Variants in OSBP2 observed in about 807,000 individuals in gnomAD.
OSBP2 encodes the protein oxysterol binding protein 2.
OSBP2 carries 66 observed loss-of-function variants against 96.0 expected under a neutral mutation model. The ratio of observed to expected loss-of-function variants is 0.69; its 90% CI spans 0.56 to 0.84. The LOEUF is 0.84. OSBP2 is among the 40% of genes least tolerant of loss of function. The probability of loss-of-function intolerance (pLI) is 0.00; values close to 1 mark genes in which losing one functional copy is unlikely to be tolerated. For synonymous variants in OSBP2, 525 were observed against 520.9 expected, an observed-to-expected ratio of 1.01 and a Z score of -0.11; for missense variants, 1,038 against 1,222.7, an observed-to-expected ratio of 0.85 and a Z score of 2.25.
At chr22:30,699,051 C>T (rs906489572) in intron 1 of OSBP2, among the ~76,000 whole-genome samples, 5 of 152,144 alleles carry the variant, frequency 3.3e-5, no homozygotes, top group Admixed American at 3.3e-4. Flanking sequence ...CAGTGATTCT[C>T]ATGCCTCAGC....
At chr22:30,709,636 C>T (rs1457029585) in intron 1 of OSBP2, among the ~76,000 whole-genome samples, 1 of 151,992 alleles carries the variant, frequency 6.6e-6, no homozygotes, top group Non-Finnish European at 1.5e-5. Flanking sequence ...CTGCCTCAGC[C>T]TCCTGAAGTG....
intron 1 of OSBP2, among the ~76,000 whole-genome samples, chr22:30,698,913 G>A (rs912099151): frequency 6.6e-6 from 1 of 151,810 alleles, no homozygotes; most frequent in Non-Finnish European, 1.5e-5. Context: ...TCATCTAGGT[G>A]TAATATTTAA....
chr22:30,703,194 G>T (rs1249753795), intron 1 of OSBP2, among the ~76,000 whole-genome samples: 2 of 151,642 alleles, frequency 1.3e-5, no homozygotes, highest in African/African-American at 4.9e-5. Flanking sequence ...AATTTTTTGA[G>T]ATGGAGTCTC....
At chr22:30,844,740 T>C (rs538061462) in intron 2 of OSBP2, 1 of 152,352 alleles carries the variant, frequency 6.6e-6, no homozygotes, top group African/African-American at 2.4e-5. Context: ...TTTAATTTCC[T>C]TCAAGAACAT....
At chr22:30,713,781 C>T (rs547299230) in intron 1 of OSBP2, among the ~76,000 whole-genome samples, 1 of 152,230 alleles carries the variant, frequency 6.6e-6, no homozygotes, top group East Asian at 1.9e-4. Flanking sequence ...TTTTCATTGA[C>T]ACATCATAAT....
chr22:30,827,524 T>G (rs558456223), intron 2 of OSBP2, among the ~76,000 whole-genome samples: 1 of 152,340 alleles, frequency 6.6e-6, no homozygotes, highest in African/African-American at 2.4e-5. Context: ...AGTAGTAGGA[T>G]CCTTTCTATC....
intron 2 of OSBP2, among the ~76,000 whole-genome samples, chr22:30,759,807 A>G (rs77871478): frequency 1.8e-3 from 271 of 152,096 alleles, no homozygotes; most frequent in Admixed American, 3.3e-3. Context: ...TTTCCACACA[A>G]TCTCTTCCAG....
chr22:30,743,912 G>C (rs1291813292), intron 2 of OSBP2, among the ~76,000 whole-genome samples: 1 of 152,064 alleles, frequency 6.6e-6, no homozygotes, highest in Non-Finnish European at 1.5e-5. Context: ...CTTCATCTAG[G>C]GGAGAAGGGG....
chr22:30,736,512 CT>C (rs1424603206), intron 1 of OSBP2, among the ~76,000 whole-genome samples: 2 of 152,190 alleles, frequency 1.3e-5, no homozygotes, highest in Non-Finnish European at 2.9e-5. Context: ...AGTTCAGGTT[CT>C]GGCTACAAGA....
chr22:30,887,705 C>A, intron 4 of OSBP2, 87 bp downstream of exon 4: 1 of 1,184,086 alleles, frequency 8.4e-7, no homozygotes, highest in Non-Finnish European at 1.2e-6. Context: ...ACATGCACAT[C>A]CCTGGCTGTG....
intron 2 of OSBP2, among the ~76,000 whole-genome samples, chr22:30,824,538 G>T (rs993259378): frequency 1.3e-5 from 2 of 152,170 alleles, no homozygotes; most frequent in Non-Finnish European, 2.9e-5. Flanking sequence ...ATAGCTAGGG[G>T]TTGCGGGAAG....
rs1238486710 is a variant in OSBP2, at chr22:30,758,811, G to T, written c.853+17442G>T. On this transcript the variant is annotated intron_variant, in intron 2 of 13. Coordinates refer to ENST00000332585, the MANE Select transcript of OSBP2 (RefSeq NM_030758.4). ...AGCCCCCGATATAGGTGTGGTGGTGGGAAGTGGGCAGCCAGAGGACTGAAA... is the reference window on the plus strand; with the variant it reads ...AGCCCCCGATATAGGTGTGGTGGTGTGAAGTGGGCAGCCAGAGGACTGAAA... Among the ~76,000 whole-genome samples the T allele has an allele frequency of 2.0e-5, 3 of 152,092 alleles. No homozygotes were observed. The South Asian group carries it at 6.2e-4, about 32-fold the overall frequency.
Position 30,695,498 on chromosome 22 carries a change from A to T in OSBP2, c.589A>T (p.Lys197Ter). The T allele has an allele frequency of 1.9e-6, 3 of 1,612,962 alleles. No homozygotes were observed. The South Asian group carries it at 3.3e-5, about 18-fold the overall frequency. ...GWLLKWTNYL[K>*]GYQRRWFVLG... ...GCTTCTCAAGTGGACCAACTATCTGAAGGGCTACCAGCGCCGCTGGTTCGT... is the reference window on the plus strand; with the variant it reads ...GCTTCTCAAGTGGACCAACTATCTGTAGGGCTACCAGCGCCGCTGGTTCGT... The change falls in exon 1 of 14, where the codon AAG (lysine) becomes TAG (stop). Residue 197 changes from lysine to a stop codon, truncating the protein, a stop_gained. Coordinates refer to ENST00000332585, the MANE Select transcript of OSBP2 (RefSeq NM_030758.4). LOFTEE classifies it high-confidence loss of function.
chr22:30,714,942 G>A (rs911171123), intron 1 of OSBP2, among the ~76,000 whole-genome samples: 1 of 152,048 alleles, frequency 6.6e-6, no homozygotes, highest in African/African-American at 2.4e-5. Context: ...GGATATATAC[G>A]CAAAAGTGGT....
intron 2 of OSBP2, among the ~76,000 whole-genome samples, chr22:30,805,316 C>T (rs1343605861): frequency 6.6e-6 from 1 of 152,196 alleles, no homozygotes; most frequent in Non-Finnish European, 1.5e-5. Flanking sequence ...CAATAGAACA[C>T]GTTTCATTTT....
At chr22:30,841,318 C>T (rs1272510082) in intron 2 of OSBP2, among the ~76,000 whole-genome samples, 3 of 152,208 alleles carry the variant, frequency 2.0e-5, no homozygotes, top group African/African-American at 7.2e-5. Flanking sequence ...CAGTCAATCC[C>T]CATTTCTCCT....
chr22:30,726,709 C>A (rs2145714402), intron 1 of OSBP2, among the ~76,000 whole-genome samples: 1 of 152,232 alleles, frequency 6.6e-6, no homozygotes, highest in East Asian at 1.9e-4. Flanking sequence ...GGCTTCCAGG[C>A]CTCCTTTTTA....
At chr22:30,863,051 C>A (rs889699843) in intron 2 of OSBP2, among the ~76,000 whole-genome samples, 2 of 152,082 alleles carry the variant, frequency 1.3e-5, no homozygotes, top group Non-Finnish European at 2.9e-5. Context: ...ACCCTTTCCT[C>A]TTCTGGGGGT....
At chr22:30,811,505 G>A (rs556706048) in intron 2 of OSBP2, among the ~76,000 whole-genome samples, 33 of 150,188 alleles carry the variant, frequency 2.2e-4, no homozygotes, top group South Asian at 8.4e-4. Context: ...ACCACCATGC[G>A]TGGCTATATT....
Sources: gnomAD v4.1 joint callset for allele counts (sites outside exome capture counted in the v4.1 genomes callset) on GRCh38, gnomAD v4.1.1 for gene constraint, MANE v1.5 for transcripts, NCBI Gene and HGNC (gene_info 2026-07-23, HGNC 2026-07-21) for gene names.